MS4A18: variants seen among roughly 807,000 people sequenced by gnomAD.
MS4A18 encodes the protein membrane spanning 4-domains A18.
MS4A18 carries 27 observed loss-of-function variants against 13.1 expected under a neutral mutation model. The ratio of observed to expected loss-of-function variants is 2.06; its 90% CI spans 1.52 to 2.84. The LOEUF (loss-of-function observed/expected upper bound fraction) is 2.84, where lower values mean the gene tolerates loss of function less well. MS4A18 is among the 30% of genes most tolerant of loss of function. The pLI is 0.00. For synonymous variants in MS4A18, 126 were observed against 76.5 expected, an observed-to-expected ratio of 1.65 and a Z score of -3.38; for missense variants, 307 against 196.4, an observed-to-expected ratio of 1.56 and a Z score of -3.37.
intron 4 of MS4A18, 90 bp from the exon 6 acceptor site, chr11:60,740,940 C>T (rs1853405356): frequency 1.4e-6 from 1 of 694,570 alleles, no homozygotes; most frequent in Admixed American, 2.0e-5. Flanking sequence ...TCAGGCCTTC[C>T]AGGTGAGGTG....
At chr11:60,727,275 C>T (rs1188694233), upstream of MS4A18, among the ~76,000 whole-genome samples, 1 of 152,172 alleles carries the variant, frequency 6.6e-6, no homozygotes, top group Non-Finnish European at 1.5e-5. Flanking sequence ...GTGCCAGGTT[C>T]TATGCTGGCA....
chr11:60,735,919 C>T, intron 2 of MS4A18, among the ~76,000 whole-genome samples: 1 of 152,092 alleles, frequency 6.6e-6, no homozygotes, highest in African/African-American at 2.4e-5. Flanking sequence ...ACCTCGGCCT[C>T]CCAAAGTGCT....
upstream of MS4A18, among the ~76,000 whole-genome samples, chr11:60,725,904 G>C (rs966030104): frequency 6.6e-6 from 1 of 152,132 alleles, no homozygotes; most frequent in Non-Finnish European, 1.5e-5. Context: ...GGATGCTGTA[G>C]TTGTTATTCT....
downstream of MS4A18, among the ~76,000 whole-genome samples, chr11:60,744,523 A>G (rs1208626549): frequency 1.3e-5 from 2 of 152,232 alleles, no homozygotes; most frequent in African/African-American, 4.8e-5. Flanking sequence ...AAAAATCAAT[A>G]AGTTGGACTT....
At chr11:60,727,322 G>A (rs1853175517), upstream of MS4A18, among the ~76,000 whole-genome samples, 1 of 152,130 alleles carries the variant, frequency 6.6e-6, no homozygotes, top group East Asian at 1.9e-4. Flanking sequence ...TGGAGAAGGT[G>A]CCACTATTAT....
At chr11:60,744,915 T>C (rs1182012104), downstream of MS4A18, among the ~76,000 whole-genome samples, 1 of 152,238 alleles carries the variant, frequency 6.6e-6, no homozygotes, top group African/African-American at 2.4e-5. Flanking sequence ...ACTGCTACTC[T>C]GGAAAACAGC....
chr11:60,731,831 A>AT (rs1244526833), intron 1 of MS4A18, among the ~76,000 whole-genome samples: 1 of 152,162 alleles, frequency 6.6e-6, no homozygotes, highest in Non-Finnish European at 1.5e-5. Flanking sequence ...TTTATCATTT[A>AT]TTTTCACAAT....
At chr11:60,731,160 G>T (rs1488598353) in intron 1 of MS4A18, among the ~76,000 whole-genome samples, 1 of 152,128 alleles carries the variant, frequency 6.6e-6, no homozygotes, top group African/African-American at 2.4e-5. Context: ...AATGTGTGCG[G>T]AAATCCTCCA....
At chr11:60,734,628 A>T (rs750332596) in intron 2 of MS4A18, among the ~76,000 whole-genome samples, 20 of 152,178 alleles carry the variant, frequency 1.3e-4, no homozygotes, top group Non-Finnish European at 2.5e-4. Flanking sequence ...AAATTCATAA[A>T]GATAGAAAAA....
intron 3 of MS4A18, 78 bp downstream of exon 4, chr11:60,737,112 A>G: frequency 1.4e-6 from 1 of 700,286 alleles, no homozygotes; most frequent in South Asian, 1.5e-5. Flanking sequence ...AAGGAGACTC[A>G]CAGTAGTGGT....
intron 4 of MS4A18, among the ~76,000 whole-genome samples, 185 bp from the exon 6 acceptor site, chr11:60,740,845 G>A (rs1853403906): frequency 6.6e-6 from 1 of 152,148 alleles, no homozygotes; most frequent in African/African-American, 2.4e-5. Context: ...TTGGAAGTCA[G>A]GCCAGTGACT....
chr11:60,733,735 C>A, intron 2 of MS4A18, 88 bp downstream of exon 3: 1 of 698,932 alleles, frequency 1.4e-6, no homozygotes, highest in Non-Finnish European at 2.6e-6. Flanking sequence ...GAATCCCATT[C>A]CCAGTAATAT....
At position 60,743,625 on chromosome 11, in the gene MS4A18, C is replaced by T. The variant is rs542021179; in HGVS notation, c.859-25C>T. The T allele has an allele frequency of 3.7e-4, 260 of 697,004 alleles. 3 individuals are homozygous for T. Among genetic ancestry groups the T allele is most frequent in the South Asian group, 3.6e-3 (238 of 66,468 alleles). 43.2% of individuals were successfully genotyped at this position (697,004 alleles called of 1,614,324 possible). On this transcript the variant is annotated intron_variant, in intron 5 of 5. Transcript: ENST00000529108. The stretch of plus-strand genomic sequence containing the variant: ...TGTTGTTTACTACAGAGGAAGATGA[C>T]GACCACATGTCCTTTGTCTTTCAGA...
chr11:60,737,565 C>T (rs1853360090), intron 3 of MS4A18, among the ~76,000 whole-genome samples: 2 of 152,208 alleles, frequency 1.3e-5, no homozygotes, highest in Non-Finnish European at 2.9e-5. Flanking sequence ...ACCAGGAGCA[C>T]AGGGCCCAGA....
At chr11:60,732,521 A>C (rs547394411) in intron 1 of MS4A18, among the ~76,000 whole-genome samples, 1 of 151,934 alleles carries the variant, frequency 6.6e-6, no homozygotes, top group Non-Finnish European at 1.5e-5. Context: ...CGAGGTCAGG[A>C]GATCGAGACC....
At chr11:60,740,928 T>A (rs957260031) in intron 4 of MS4A18, 102 bp from the exon 6 acceptor site, 2 of 688,240 alleles carry the variant, frequency 2.9e-6, no homozygotes, top group African/African-American at 3.5e-5. Flanking sequence ...GCAGAGAGGG[T>A]CTCAGGCCTT....
At chr11:60,725,855 T>C (rs1457988463), upstream of MS4A18, among the ~76,000 whole-genome samples, 6 of 152,160 alleles carry the variant, frequency 3.9e-5, no homozygotes, top group Non-Finnish European at 7.4e-5. Context: ...CTGGGGGAAC[T>C]GCCTTATATC....
upstream of MS4A18, among the ~76,000 whole-genome samples, chr11:60,726,571 G>A (rs897730396): frequency 2.5e-4 from 38 of 152,030 alleles, no homozygotes; most frequent in African/African-American, 8.0e-4. Flanking sequence ...TTGACTTTCC[G>A]ACAAGTTCCC....
intron 1 of MS4A18, among the ~76,000 whole-genome samples, chr11:60,732,730 CAAAAAA>C (rs200295786): frequency 1.4e-5 from 1 of 71,010 alleles, no homozygotes. Context: ...GACTCCGTCT[CAAAAAA>C]AAAAAAAAAA....
Sources: allele counts gnomAD v4.1 joint callset (sites outside exome capture counted in the v4.1 genomes callset), GRCh38; gene constraint gnomAD v4.1.1; transcripts MANE v1.5; gene names NCBI Gene and HGNC (gene_info 2026-07-23, HGNC 2026-07-21).